AHI1: variants seen among roughly 807,000 people sequenced by gnomAD.
AHI1 encodes the protein jouberin.
In AHI1, 123 loss-of-function variants were observed where a neutral mutation model predicts 149.3. The observed-to-expected ratio is 0.82, with a 90% CI of 0.71 to 0.96. The LOEUF (loss-of-function observed/expected upper bound fraction) is 0.96. AHI1 is among the 40% of genes least tolerant of loss of function. AHI1 has a pLI of 0.00. For synonymous variants in AHI1, 475 were observed against 459.8 expected (o/e 1.03, Z -0.42); for missense variants, 1,439 against 1,422.7 (o/e 1.01, Z -0.18).
intron 5 of AHI1, 77 bp downstream of exon 5, chr6:135,490,546 T>A (rs2128134182): frequency 5.1e-6 from 8 of 1,555,948 alleles, no homozygotes; most frequent in Non-Finnish European, 7.0e-6. Context: ...TTCCTTAGAA[T>A]TTTAACATAA....
Position 135,447,090 on chromosome 6 carries a change from T to A in AHI1, c.1697A>T (p.His566Leu). The change falls in exon 13 of 29, where the codon CAC becomes CTC. Residue 566 changes from histidine to leucine, a missense_variant. Coordinates refer to ENST00000265602, the MANE Select transcript of AHI1 (RefSeq NM_001134831.2). ...EKGKPVHCER[H>L]HESSSVDTEP... ...TGTGTCTACTGAGCTTGACTCATGGTGACGTTCACAATGCACTGGTTTACC... is the reference window on the plus strand; with the variant it reads ...TGTGTCTACTGAGCTTGACTCATGGAGACGTTCACAATGCACTGGTTTACC... 6.2e-7 allele frequency: 1 copy of A among 1,613,310 alleles called. No individual in the cohort carries two copies. Among genetic ancestry groups the A allele is most frequent in the Non-Finnish European group, 8.5e-7 (1 of 1,179,480 alleles).
At chr6:135,458,171 T>A (rs766190378) in intron 8 of AHI1, among the ~76,000 whole-genome samples, 5 of 152,142 alleles carry the variant, frequency 3.3e-5, no homozygotes, top group Non-Finnish European at 7.4e-5. Context: ...AAAGAAGATA[T>A]AGTAGACAGA....
Position 135,431,299 on chromosome 6 carries a change from G to C in AHI1, c.2282C>G (p.Ser761Ter), listed in dbSNP as rs794727174. The change falls in exon 17 of 29, where the codon TCA becomes TGA. Residue 761 changes from serine to a stop codon, truncating the protein, a stop_gained. Coordinates refer to ENST00000265602, the MANE Select transcript of AHI1 (RefSeq NM_001134831.2). LOFTEE classifies it high-confidence loss of function. ...AACAATCACCCCTGTACAATCTCCT[G>C]AATACATATGATGACCTATTTAAAA... The part of the protein sequence containing the change: ...CFDTEGHHMY[S>*]GDCTGVIVVW... The C allele has an allele frequency of 1.3e-6, 2 of 1,595,962 alleles. No individual in the cohort carries two copies. The highest frequency in any genetic ancestry group is 3.4e-5 in the Admixed American group (2 of 59,094).
At chr6:135,334,499 G>C (rs1238515425) in intron 24 of AHI1, among the ~76,000 whole-genome samples, 2 of 152,110 alleles carry the variant, frequency 1.3e-5, no homozygotes, top group African/African-American at 4.8e-5. Context: ...TCGGTCTATG[G>C]TATTTTGTTA....
chr6:135,298,873 T>C (rs572414692), intron 27 of AHI1, among the ~76,000 whole-genome samples: 24 of 152,274 alleles, frequency 1.6e-4, no homozygotes, highest in African/African-American at 4.8e-4. Flanking sequence ...GAGGAGTATG[T>C]AGGAGACATT....
At chr6:135,480,569 C>T (rs9399147) in intron 5 of AHI1, among the ~76,000 whole-genome samples, 150,946 of 152,380 alleles carry the variant, frequency 0.99, 74,769 homozygotes, top group Middle Eastern at 1. Context: ...CAAAAACTCA[C>T]GTTAAAATTT....
intron 26 of AHI1, among the ~76,000 whole-genome samples, chr6:135,304,234 G>A (rs1784267925): frequency 6.6e-6 from 1 of 151,978 alleles, no homozygotes; most frequent in Non-Finnish European, 1.5e-5. Flanking sequence ...TGATTTTTTA[G>A]TAGAGATGAG....
intron 23 of AHI1, among the ~76,000 whole-genome samples, chr6:135,378,824 A>G (rs1292209325): frequency 2.0e-5 from 3 of 152,188 alleles, no homozygotes; most frequent in Non-Finnish European, 4.4e-5. Flanking sequence ...ATACAACAAC[A>G]AAAGAAGCTT....
intron 19 of AHI1, 146 bp from the exon 20 acceptor site, chr6:135,427,453 A>T: frequency 1.4e-6 from 1 of 710,734 alleles, no homozygotes. Flanking sequence ...ATATTTAAAA[A>T]TGTTTGAGTA....
At chr6:135,382,346 T>C (rs926190302) in intron 23 of AHI1, among the ~76,000 whole-genome samples, 1 of 152,246 alleles carries the variant, frequency 6.6e-6, no homozygotes, top group Non-Finnish European at 1.5e-5. Flanking sequence ...TTCTTAAAAA[T>C]GTGCATTTAA....
At chr6:135,373,635 G>A (rs1775400593) in intron 23 of AHI1, among the ~76,000 whole-genome samples, 1 of 152,100 alleles carries the variant, frequency 6.6e-6, no homozygotes, top group Non-Finnish European at 1.5e-5. Flanking sequence ...CTGAACAGCT[G>A]AAAGCATACA....
intron 20 of AHI1, among the ~76,000 whole-genome samples, chr6:135,422,445 G>A (rs958317203): frequency 4.6e-5 from 7 of 151,842 alleles, no homozygotes; most frequent in South Asian, 2.1e-4. Flanking sequence ...GGTTGAGGCC[G>A]CAGTGAGCTG....
chr6:135,385,153 A>T (rs1777407488), intron 23 of AHI1, among the ~76,000 whole-genome samples: 1 of 152,196 alleles, frequency 6.6e-6, no homozygotes, highest in South Asian at 2.1e-4. Flanking sequence ...TTCCTATGTT[A>T]CACCAGCCTC....
intron 23 of AHI1, among the ~76,000 whole-genome samples, chr6:135,363,777 C>A (rs1447672298): frequency 7.3e-6 from 1 of 136,094 alleles, no homozygotes; most frequent in Non-Finnish European, 1.6e-5. Flanking sequence ...TTGACCCCCC[C>A]ACCTCCCTCC....
intron 7 of AHI1, among the ~76,000 whole-genome samples, chr6:135,464,763 C>T (rs1583365190): frequency 6.6e-6 from 1 of 152,176 alleles, no homozygotes. Context: ...GAGCTTAGAA[C>T]TGGATCTTCT....
Position 135,463,226 on chromosome 6 carries a change from T to G in AHI1, c.830A>C (p.His277Pro). The change falls in exon 8 of 29, where the codon CAT becomes CCT. Residue 277 changes from histidine to proline, a missense_variant. By Grantham distance (77) the His-to-Pro change is moderately conservative. Coordinates refer to ENST00000265602, the MANE Select transcript of AHI1 (RefSeq NM_001134831.2). ...CATTGAGCTTATTTCATCATCTTGA[T>G]GAGAATCTGAAGAAACTGATCTAAC... ...SSVRSVSSDS[H>P]QDDEISSMEQ... 2 of 1,610,964 alleles carry G rather than the reference T, an allele frequency of 1.2e-6. No individual in the cohort carries two copies. The highest frequency in any genetic ancestry group is 2.2e-5 in the South Asian group (2 of 90,894).
intron 23 of AHI1, among the ~76,000 whole-genome samples, chr6:135,365,398 G>A (rs113810688): frequency 6.6e-6 from 1 of 152,176 alleles, no homozygotes; most frequent in Non-Finnish European, 1.5e-5. Flanking sequence ...GCTTTTGGCA[G>A]TACGGTCATT....
intron 24 of AHI1, among the ~76,000 whole-genome samples, chr6:135,335,472 C>T (rs773266517): frequency 1.3e-5 from 2 of 151,426 alleles, no homozygotes; most frequent in Non-Finnish European, 2.9e-5. Flanking sequence ...TCTCAGAGAG[C>T]TTCCATTTTT....
chr6:135,428,560 T>G, intron 19 of AHI1, 69 bp downstream of exon 19: 1 of 1,422,274 alleles, frequency 7.0e-7, no homozygotes, highest in Non-Finnish European at 9.3e-7. Context: ...CATAAAATGG[T>G]AGAATTTTCA....
Sources: gnomAD v4.1 joint callset for allele counts (sites outside exome capture counted in the v4.1 genomes callset) on GRCh38, gnomAD v4.1.1 for gene constraint, MANE v1.5 for transcripts, NCBI Gene and HGNC (gene_info 2026-07-23, HGNC 2026-07-21) for gene names.